The following ZNF423 variants were observed in gnomAD, a reference collection of about 807,000 sequenced individuals.
ZNF423 encodes the protein Ebf-associated zinc finger protein.
ZNF423 carries 12 observed loss-of-function variants against 95.8 expected under a neutral mutation model. The ratio of observed to expected loss-of-function variants is 0.13; its 90% CI spans 0.08 to 0.20. ZNF423 has a LOEUF of 0.20. Among genes scored for constraint, ZNF423 ranks in the 10% least tolerant of loss-of-function variants. The pLI, the probability that ZNF423 is intolerant of heterozygous loss-of-function variation, is 1.00. For missense variants in ZNF423, 1,316 were observed against 1,737.1 expected, an observed-to-expected ratio of 0.76 and a Z score of 4.31; for synonymous variants, 749 against 711.9, an observed-to-expected ratio of 1.05 and a Z score of -0.83.
chr16:49,859,145 G>A (rs2035404352), upstream of ZNF423, among the ~76,000 whole-genome samples: 2 of 152,158 alleles, frequency 1.3e-5, no homozygotes, highest in African/African-American at 4.8e-5. Context: ...CGTCGGGGGA[G>A]AGGGGTGGTT....
At chr16:49,557,254 C>A (rs1445854151) in intron 5 of ZNF423, among the ~76,000 whole-genome samples, 2 of 152,210 alleles carry the variant, frequency 1.3e-5, no homozygotes, top group Non-Finnish European at 2.9e-5. Flanking sequence ...GGTGAGGCCA[C>A]GGTAAATTCT....
Position 49,635,976 on chromosome 16 carries a change from C to A in ZNF423, c.3200G>T (p.Gly1067Val). ...SSAASSPNGQGLQKLYKCALC... is the reference protein window; with the variant it reads ...SSAASSPNGQVLQKLYKCALC... ...GGCGCACTTGTAGAGCTTCTGCAGC[C>A]CCTGGCCATTGGGGGAGGACGCCGC... is the stretch of plus-strand genomic sequence containing the variant. Residue 1067 changes from glycine to valine, a missense_variant, in exon 4 of 8, where the codon GGG becomes GTG. Around this residue, in one of 6 missense-constraint regions of ZNF423, gnomAD observed 620 missense variants for 775.6 expected, o/e 0.80. Coordinates refer to ENST00000563137, the MANE Select transcript of ZNF423 (RefSeq NM_001379286.1). This position sits in a 1 kb window ranked among gnomAD's most constrained non-coding sequence, Gnocchi z 4.8. The A allele has an allele frequency of 6.3e-7, 1 of 1,599,652 alleles. No individual in the cohort carries two copies. The highest frequency in any genetic ancestry group is 1.1e-5 in the South Asian group (1 of 88,756).
In ZNF423 at chr16:49,682,789, C is replaced by T. The variant is rs142047615; in HGVS notation, c.302-43915G>A. Among the ~76,000 whole-genome samples, 77 of 152,326 alleles carry T rather than the reference C, an allele frequency of 5.1e-4. 1 individual carries two copies. The East Asian group carries it at 0.014, about 27-fold the overall frequency. Reference sequence around the variant, plus strand: ...AGTTTCCTCATCTGTAAAATGGGAACGATGTCCAAAGAACTCAATAAACAG... The same window carrying T: ...AGTTTCCTCATCTGTAAAATGGGAATGATGTCCAAAGAACTCAATAAACAG... On this transcript the variant is annotated intron_variant, in intron 3 of 7. Transcript: ENST00000563137.
At chr16:49,663,529 G>C (rs1164173896) in intron 3 of ZNF423, among the ~76,000 whole-genome samples, 1 of 152,202 alleles carries the variant, frequency 6.6e-6, no homozygotes, top group Non-Finnish European at 1.5e-5. Context: ...GGATGGGATG[G>C]CTTTTTAGGT....
chr16:49,733,262 G>A (rs188653060), intron 2 of ZNF423, among the ~76,000 whole-genome samples: 2 of 152,170 alleles, frequency 1.3e-5, no homozygotes, highest in Non-Finnish European at 2.9e-5. Context: ...CCATAATTCT[G>A]GCTTTATCTA....
upstream of ZNF423, among the ~76,000 whole-genome samples, chr16:49,856,849 GC>G (rs2035376423): frequency 6.7e-6 from 1 of 148,228 alleles, no homozygotes; most frequent in South Asian, 2.1e-4. Context: ...CCCGCTAGCT[GC>G]CTCCATGGGC....
intron 5 of ZNF423, among the ~76,000 whole-genome samples, chr16:49,546,906 G>T (rs2151746901): frequency 6.6e-6 from 1 of 151,900 alleles, no homozygotes; most frequent in Middle Eastern, 3.4e-3. Flanking sequence ...AATGCCTGGT[G>T]CCTGGAAGCT....
chr16:49,585,572 G>A (rs962230671), intron 5 of ZNF423, among the ~76,000 whole-genome samples: 5 of 152,304 alleles, frequency 3.3e-5, no homozygotes, highest in Non-Finnish European at 5.9e-5. Context: ...AATCTGAATC[G>A]GCAAATTTGT....
At chr16:49,505,487 C>T (rs562244277) in intron 7 of ZNF423, among the ~76,000 whole-genome samples, 1 of 152,292 alleles carries the variant, frequency 6.6e-6, no homozygotes, top group South Asian at 2.1e-4. Context: ...GAAAACATGG[C>T]CCATCAACCC....
rs1197793431 is a variant in ZNF423, at chr16:49,492,744, G to A, written c.3850-1440C>T. Among the ~76,000 whole-genome samples the A allele has an allele frequency of 6.6e-6, 1 of 152,200 alleles. No homozygotes were observed. Among genetic ancestry groups the A allele is most frequent in the Non-Finnish European group, 1.5e-5 (1 of 68,026 alleles). On this transcript the variant is annotated intron_variant, in intron 7 of 7. Coordinates refer to ENST00000563137, the MANE Select transcript of ZNF423 (RefSeq NM_001379286.1). This position sits in a 1 kb window ranked among gnomAD's most constrained non-coding sequence, Gnocchi z 4.2. ...GTGGGCATGCGTGCTCTGTGCCGTGGCAGGCACCGCTCTTTCAATCCTCAC... is the reference window on the plus strand; with the variant it reads ...GTGGGCATGCGTGCTCTGTGCCGTGACAGGCACCGCTCTTTCAATCCTCAC...
At chr16:49,507,755 T>TTGCAGAGGCACCAATG (rs1967703647) in intron 7 of ZNF423, among the ~76,000 whole-genome samples, 1 of 151,512 alleles carries the variant, frequency 6.6e-6, no homozygotes, top group Non-Finnish European at 1.5e-5. Flanking sequence ...GCCCCTAGAA[T>TTGCAGAGGCACCAATG]GTTGCAGAGG....
At chr16:49,840,349 C>T (rs2144090705) in intron 1 of ZNF423, among the ~76,000 whole-genome samples, 1 of 152,190 alleles carries the variant, frequency 6.6e-6, no homozygotes, top group African/African-American at 2.4e-5. Context: ...GGTGGAACAT[C>T]AACAAAATCC....
chr16:49,770,866 C>G (rs1165963788), intron 2 of ZNF423, among the ~76,000 whole-genome samples: 1 of 152,186 alleles, frequency 6.6e-6, no homozygotes, highest in East Asian at 1.9e-4. Context: ...TTGTTGGTGG[C>G]CTCTGAATCC....
intron 7 of ZNF423, among the ~76,000 whole-genome samples, chr16:49,515,183 C>T (rs954988353): frequency 2.6e-5 from 4 of 152,254 alleles, no homozygotes; most frequent in African/African-American, 9.6e-5. Flanking sequence ...GTCCTGGCCT[C>T]GAGCTGCAGC....
chr16:49,686,688 C>G (rs1411303934), intron 3 of ZNF423, among the ~76,000 whole-genome samples: 1 of 115,032 alleles, frequency 8.7e-6, no homozygotes, highest in Non-Finnish European at 2.0e-5. Context: ...ATCACTGTCC[C>G]CTGACCAAGG....
At chr16:49,675,898 G>A (rs1481188686) in intron 3 of ZNF423, among the ~76,000 whole-genome samples, 2 of 152,160 alleles carry the variant, frequency 1.3e-5, no homozygotes, top group Non-Finnish European at 2.9e-5. Context: ...TTCTGAACAC[G>A]TCCATGAGTG....
chr16:49,743,836 T>G (rs1382709635), intron 2 of ZNF423, among the ~76,000 whole-genome samples: 1 of 152,054 alleles, frequency 6.6e-6, no homozygotes, highest in Non-Finnish European at 1.5e-5. Flanking sequence ...AATTAACCAG[T>G]TGCCAGGCAT....
chr16:49,513,836 AG>A (rs1422339934), intron 7 of ZNF423, among the ~76,000 whole-genome samples: 2 of 152,154 alleles, frequency 1.3e-5, no homozygotes, highest in Non-Finnish European at 2.9e-5. Flanking sequence ...GAGGCTTCTC[AG>A]GGGAGGAGGC....
chr16:49,638,441 C>T lies in ZNF423; in HGVS notation c.735G>A (p.Leu245=), dbSNP rs1567523919. Reference sequence around the variant, plus strand: ...TTTTGTGGGCCTGCATGTGGCTCTGCAGCGAGCTGGTGGAGGAGAAGCCGC... The same window carrying T: ...TTTTGTGGGCCTGCATGTGGCTCTGTAGCGAGCTGGTGGAGGAGAAGCCGC... ...CKRGFSSTSS[L]QSHMQAHKKN... Residue 245 remains leucine, a synonymous_variant, in exon 4 of 8, where the codon CTG becomes CTA. Transcript: ENST00000563137. The surrounding 1 kb of genome is among the most constrained non-coding windows in gnomAD (Gnocchi z 5.6). 2 of 1,613,916 alleles carry T rather than the reference C, an allele frequency of 1.2e-6. No homozygotes were observed. Among genetic ancestry groups the T allele is most frequent in the Non-Finnish European group, 8.5e-7 (1 of 1,180,042 alleles).
Sources: gnomAD v4.1 joint callset for allele counts (sites outside exome capture counted in the v4.1 genomes callset) on GRCh38, gnomAD v4.1.1 for gene constraint, gnomAD v4.1.1 regional missense constraint, Gnocchi (gnomAD v3.1) non-coding constraint, MANE v1.5 for transcripts, NCBI Gene and HGNC (gene_info 2026-07-23, HGNC 2026-07-21) for gene names.